DCT: variants seen among roughly 807,000 people sequenced by gnomAD.
DCT encodes the protein dopachrome tautomerase, also known as L-dopachrome tautomerase.
Under a neutral mutation model 53.0 loss-of-function variants are expected in DCT, and 47 were observed. That is an observed-to-expected ratio of 0.89 (90% CI 0.70 to 1.13). The LOEUF (loss-of-function observed/expected upper bound fraction) is 1.13. Ranked by LOEUF, DCT falls within the 50% of genes most tolerant of loss-of-function variation. DCT has a pLI of 0.00. For missense variants in DCT, 669 were observed against 637.4 expected (o/e 1.05, Z -0.53); for synonymous variants, 244 against 237.0 (o/e 1.03, Z -0.27).
At chr13:94,483,223 C>T (rs1885519998), upstream of DCT, among the ~76,000 whole-genome samples, 1 of 151,228 alleles carries the variant, frequency 6.6e-6, no homozygotes, top group African/African-American at 2.4e-5. Context: ...ACAAGTGAGC[C>T]GTGATTGCAC....
chr13:94,445,644 T>C (rs898377207), intron 6 of DCT: 29 of 964,284 alleles, frequency 3.0e-5, no homozygotes, highest in Non-Finnish European at 4.3e-5. Flanking sequence ...TGGGTAATCG[T>C]AATCTGTTAT....
intron 1 of DCT, among the ~76,000 whole-genome samples, chr13:94,472,542 A>G (rs1196878753): frequency 3.1e-5 from 1 of 32,340 alleles, no homozygotes; most frequent in Middle Eastern, 0.015. Flanking sequence ...ATATATATAT[A>G]TATATATATA....
chr13:94,486,512 C>T, the DCT span, among the ~76,000 whole-genome samples: 2 of 152,150 alleles, frequency 1.3e-5, no homozygotes, highest in African/African-American at 4.8e-5. Flanking sequence ...AGCCATCAGC[C>T]TGCATTAGGG....
At chr13:94,514,947 C>T in the DCT span, among the ~76,000 whole-genome samples, 1 of 152,146 alleles carries the variant, frequency 6.6e-6, no homozygotes, top group African/African-American at 2.4e-5. Flanking sequence ...ACTCTAAACC[C>T]CAATGTGATG....
chr13:94,468,690 C>G, intron 2 of DCT, 56 bp downstream of exon 2: 2 of 1,501,322 alleles, frequency 1.3e-6, no homozygotes, highest in South Asian at 2.4e-5. Context: ...ACTGCCATAC[C>G]CTCAACCCAA....
Position 94,439,278 on chromosome 13 carries a change from T to C in DCT, c.*620A>G, listed in dbSNP as rs1882103630. ...GAATTGATCCTTCATTTAGTCATTT[T>C]CCATCCTGTAAAGAAAACAAGGCTT... On this transcript the variant is annotated 3_prime_UTR_variant, in exon 8 of 8. Transcript: ENST00000377028. The C allele has an allele frequency of 6.6e-6, 1 of 152,312 alleles. No homozygotes were observed. The highest frequency in any genetic ancestry group is 1.5e-5 in the Non-Finnish European group (1 of 68,138). The allele number at this position is 152,312 out of a possible 1,614,324, so 9.4% of individuals were successfully genotyped here. A position where few individuals can be genotyped will look rare whatever the true frequency, so the allele number is the denominator to read the frequency against.
intron 6 of DCT, among the ~76,000 whole-genome samples, chr13:94,450,659 C>G (rs1054415259): frequency 1.3e-5 from 2 of 152,184 alleles, no homozygotes; most frequent in African/African-American, 4.8e-5. Flanking sequence ...GAATTAAACT[C>G]TGAACAGATG....
the DCT span, among the ~76,000 whole-genome samples, chr13:94,542,102 T>C: frequency 6.6e-6 from 1 of 152,226 alleles, no homozygotes; most frequent in African/African-American, 2.4e-5. Flanking sequence ...GCTTCCCCTT[T>C]ACCAGGGCAC....
the DCT span, among the ~76,000 whole-genome samples, chr13:94,488,142 A>G: frequency 6.6e-6 from 1 of 152,048 alleles, no homozygotes; most frequent in African/African-American, 2.4e-5. Context: ...ATTCTGGTAC[A>G]TGAGTATTCA....
chr13:94,499,777 C>G, the DCT span, among the ~76,000 whole-genome samples: 1 of 152,120 alleles, frequency 6.6e-6, no homozygotes, highest in East Asian at 1.9e-4. Context: ...CTCTGGCCAA[C>G]CCTGTGTTCC....
intron 6 of DCT, among the ~76,000 whole-genome samples, chr13:94,446,189 A>G (rs560910179): frequency 2.6e-5 from 4 of 152,348 alleles, no homozygotes; most frequent in African/African-American, 9.6e-5. Context: ...AGTGGACACC[A>G]ATAACATGGC....
the DCT span, among the ~76,000 whole-genome samples, chr13:94,545,326 C>T: frequency 2.0e-5 from 3 of 152,032 alleles, no homozygotes; most frequent in African/African-American, 7.2e-5. Context: ...CCCAGGAAAC[C>T]AGCCCCTTAT....
At chr13:94,483,728 C>G (rs558663096), upstream of DCT, among the ~76,000 whole-genome samples, 1 of 152,182 alleles carries the variant, frequency 6.6e-6, no homozygotes, top group Non-Finnish European at 1.5e-5. Flanking sequence ...TCTCAAACTC[C>G]TGACCTCAGG....
the DCT span, among the ~76,000 whole-genome samples, chr13:94,500,411 G>A: frequency 6.6e-6 from 1 of 152,160 alleles, no homozygotes; most frequent in East Asian, 1.9e-4. Flanking sequence ...AACAGTATGG[G>A]AGAAACCACT....
At chr13:94,519,681 G>A in the DCT span, among the ~76,000 whole-genome samples, 3 of 152,212 alleles carry the variant, frequency 2.0e-5, no homozygotes, top group Admixed American at 6.5e-5. Context: ...GACTGCATCT[G>A]CTGAAGATGT....
chr13:94,513,061 C>T, the DCT span, among the ~76,000 whole-genome samples: 6 of 152,218 alleles, frequency 3.9e-5, no homozygotes, highest in African/African-American at 1.4e-4. Flanking sequence ...AAGTCAAAGT[C>T]TTACCCATGT....
intron 7 of DCT, among the ~76,000 whole-genome samples, chr13:94,442,177 G>A (rs1302096605): frequency 1.3e-5 from 2 of 152,164 alleles, no homozygotes; most frequent in Non-Finnish European, 2.9e-5. Flanking sequence ...AGGCTTGAAA[G>A]ACTCAGGTCA....
the DCT span, among the ~76,000 whole-genome samples, chr13:94,486,906 A>G: frequency 6.6e-6 from 1 of 151,890 alleles, no homozygotes; most frequent in Non-Finnish European, 1.5e-5. Context: ...AATAAGACAA[A>G]CACACACACA....
the DCT span, among the ~76,000 whole-genome samples, chr13:94,545,317 C>T: frequency 2.0e-5 from 3 of 152,000 alleles, no homozygotes; most frequent in Admixed American, 6.6e-5. Flanking sequence ...CATAACCTGC[C>T]CAGGAAACCA....
Sources: gnomAD v4.1 joint callset for allele counts (sites outside exome capture counted in the v4.1 genomes callset) on GRCh38, gnomAD v4.1.1 for gene constraint, MANE v1.5 for transcripts, NCBI Gene and HGNC (gene_info 2026-07-23, HGNC 2026-07-21) for gene names.